TENT4B: variants seen among roughly 807,000 people sequenced by gnomAD.
TENT4B encodes the protein terminal nucleotidyltransferase 4B.
Under a neutral mutation model 75.0 loss-of-function variants are expected in TENT4B, and 10 were observed. That is an observed-to-expected ratio of 0.13 (90% CI 0.08 to 0.23). The LOEUF (loss-of-function observed/expected upper bound fraction) is 0.23. Among genes scored for constraint, TENT4B ranks in the 10% least tolerant of loss-of-function variants. TENT4B has a pLI of 1.00. For synonymous variants in TENT4B, 350 were observed against 357.7 expected, an observed-to-expected ratio of 0.98 and a Z score of 0.24; for missense variants, 579 against 893.8, an observed-to-expected ratio of 0.65 and a Z score of 4.49.
intron 1 of TENT4B, among the ~76,000 whole-genome samples, chr16:50,177,638 G>A (rs1030963062): frequency 3.3e-5 from 5 of 151,132 alleles, no homozygotes; most frequent in African/African-American, 1.2e-4. Flanking sequence ...TTGTTAATCT[G>A]GCTAGAAGCT....
chr16:50,215,036 C>T (rs1433561851), intron 3 of TENT4B, among the ~76,000 whole-genome samples: 15 of 152,210 alleles, frequency 9.9e-5, no homozygotes, highest in Admixed American at 9.8e-4. Context: ...GGGTACAGAT[C>T]TCTTCTCTGA....
In TENT4B at chr16:50,222,017, G is replaced by T. The variant is rs9923410; in HGVS notation, c.1039-289G>T. Among the ~76,000 whole-genome samples the T allele has an allele frequency of 0.082, 12,535 of 152,094 alleles. 1,020 individuals are homozygous for T. The highest frequency in any genetic ancestry group is 0.21 in the African/African-American group (8,568 of 41,448). ...TGACCTCAGGTGATCTGCCCGCCTT[G>T]GTCTCCCAAAGTGCTAGGATTACAG... On this transcript the variant is annotated intron_variant, in intron 5 of 11. Coordinates refer to ENST00000561678, the MANE Select transcript of TENT4B (RefSeq NM_001365324.3).
At position 50,211,329 on chromosome 16, in the gene TENT4B, T is replaced by C; in HGVS notation, c.645T>C (p.His215=). ...TTTCTGTTTTTTTCTTCAGTCTGCA[T>C]GAAGAAATCAGTGATTTTTATGAAT... ...RNYNQGVVGL[H]EEISDFYEYM... The change falls in exon 2 of 12, where the codon CAT becomes CAC. Residue 215 remains histidine, a synonymous_variant. Coordinates refer to ENST00000561678, the MANE Select transcript of TENT4B (RefSeq NM_001365324.3). The C allele has an allele frequency of 6.2e-7, 1 of 1,606,334 alleles. No individual in the cohort carries two copies. Among genetic ancestry groups the C allele is most frequent in the Non-Finnish European group, 8.5e-7 (1 of 1,177,772 alleles).
chr16:50,176,279 A>G (rs2038306868), intron 1 of TENT4B, among the ~76,000 whole-genome samples: 1 of 151,362 alleles, frequency 6.6e-6, no homozygotes, highest in African/African-American at 2.4e-5. Context: ...TAGAGATTGA[A>G]TCTTTCTTTT....
Position 50,155,272 on chromosome 16 carries a change from G to GGTGTGTGTGTGTGTGTGTGT in TENT4B, c.638+1034_638+1053dup, listed in dbSNP as rs60683678. 7.6e-3 allele frequency among the ~76,000 whole-genome samples: 1,030 copies of GGTGTGTGTGTGTGTGTGTGT among 135,440 alleles called. 19 individuals carry two copies. Among genetic ancestry groups the GGTGTGTGTGTGTGTGTGTGT allele is most frequent in the Middle Eastern group, 0.018 (5 of 272 alleles). The allele number at this position is 135,440 out of a possible 152,430, so 88.9% of individuals were successfully genotyped here. ...TAAAACAAAGCTTTTGGGTCTCGTGGGTGTGTGTGTGTGTGTGTGTGTGTG... is the reference window on the plus strand; with the variant it reads ...TAAAACAAAGCTTTTGGGTCTCGTGGGTGTGTGTGTGTGTGTGTGTGTGTGTGTGTGTGTGTGTGTGTGTG... On this transcript the variant is annotated intron_variant, in intron 1 of 11. Coordinates refer to ENST00000561678, the MANE Select transcript of TENT4B (RefSeq NM_001365324.3).
At chr16:50,207,231 G>T (rs868837154) in intron 1 of TENT4B, among the ~76,000 whole-genome samples, 2 of 152,052 alleles carry the variant, frequency 1.3e-5, no homozygotes, top group South Asian at 2.1e-4. Context: ...GCCCAGGCTG[G>T]AGAACAGAGG....
intron 1 of TENT4B, among the ~76,000 whole-genome samples, chr16:50,193,350 T>C (rs1172251638): frequency 6.7e-6 from 1 of 149,730 alleles, no homozygotes; most frequent in Non-Finnish European, 1.5e-5. Flanking sequence ...TTTTTTTTTT[T>C]TTTGTGAGAC....
Position 50,231,341 on chromosome 16 carries a change from T to A in TENT4B, c.*2013T>A. On this transcript the variant is annotated 3_prime_UTR_variant, in exon 12 of 12. Coordinates refer to ENST00000561678, the MANE Select transcript of TENT4B (RefSeq NM_001365324.3). Reference sequence around the variant, plus strand: ...ACAATTGTGAATGTGTAGACTTATGTTTACTGCTAAGGGAACAATTATTTA... The same window carrying A: ...ACAATTGTGAATGTGTAGACTTATGATTACTGCTAAGGGAACAATTATTTA... 5 of 981,568 alleles carry A rather than the reference T, an allele frequency of 5.1e-6. No individual in the cohort carries two copies. The highest frequency in any genetic ancestry group is 4.8e-6 in the Non-Finnish European group (4 of 826,002). The allele number at this position is 981,568 out of a possible 1,614,324, so 60.8% of individuals were successfully genotyped here.
At chr16:50,211,910 T>G (rs2031299082) in intron 2 of TENT4B, among the ~76,000 whole-genome samples, 1 of 152,224 alleles carries the variant, frequency 6.6e-6, no homozygotes, top group African/African-American at 2.4e-5. Flanking sequence ...AATGCACGCA[T>G]AAGTCTTTTC....
chr16:50,206,636 C>T (rs1381418532), intron 1 of TENT4B, among the ~76,000 whole-genome samples: 1 of 152,048 alleles, frequency 6.6e-6, no homozygotes, highest in African/African-American at 2.4e-5. Context: ...GGGGACGGTG[C>T]TGAGCAGAGG....
intron 1 of TENT4B, among the ~76,000 whole-genome samples, chr16:50,205,836 C>T (rs1384920237): frequency 6.6e-6 from 1 of 151,880 alleles, no homozygotes; most frequent in Non-Finnish European, 1.5e-5. Context: ...AGTGATCTAC[C>T]CGCCTCAGCC....
intron 1 of TENT4B, among the ~76,000 whole-genome samples, chr16:50,173,266 A>C (rs2038240919): frequency 6.6e-6 from 1 of 152,026 alleles, no homozygotes; most frequent in South Asian, 2.1e-4. Flanking sequence ...TGTACTGCTG[A>C]ATAATACTCC....
intron 10 of TENT4B, among the ~76,000 whole-genome samples, chr16:50,226,211 G>A (rs1315002419): frequency 1.3e-5 from 2 of 151,700 alleles, no homozygotes; most frequent in African/African-American, 4.8e-5. Flanking sequence ...ATGTTGGCCA[G>A]GCTGGTCTCG....
intron 5 of TENT4B, among the ~76,000 whole-genome samples, chr16:50,220,447 T>G (rs1221926535): frequency 2.0e-5 from 3 of 152,000 alleles, no homozygotes; most frequent in Non-Finnish European, 4.4e-5. Flanking sequence ...CCCAAAGTGT[T>G]GGGATTACAG....
chr16:50,211,289 C>A, intron 1 of TENT4B, 34 bp from the exon 2 acceptor site: 1 of 1,577,464 alleles, frequency 6.3e-7, no homozygotes. Flanking sequence ...TAGATTGGCC[C>A]TGTTCATATT....
At chr16:50,189,774 G>T (rs2038603572) in intron 1 of TENT4B, among the ~76,000 whole-genome samples, 1 of 151,788 alleles carries the variant, frequency 6.6e-6, no homozygotes, top group Admixed American at 6.6e-5. Context: ...TTTTTGGCTG[G>T]GTGTGGTAGC....
chr16:50,216,462 G>A (rs903623098), intron 4 of TENT4B, among the ~76,000 whole-genome samples: 3 of 152,038 alleles, frequency 2.0e-5, no homozygotes, highest in Non-Finnish European at 1.5e-5. Flanking sequence ...AACACAACCT[G>A]CCATGCCTGG....
rs1466667053 is a variant in TENT4B at position 50,154,024 on chromosome 16, G to C, written c.403G>C (p.Ala135Pro). ...AGSSASSPPS[A>P]SSSPHPSAAV... Reference sequence around the variant, plus strand: ...CTCCTCGGCGTCCTCGCCTCCCTCGGCGTCCTCGTCCCCGCACCCTTCGGC... The same window carrying C: ...CTCCTCGGCGTCCTCGCCTCCCTCGCCGTCCTCGTCCCCGCACCCTTCGGC... The change falls in exon 1 of 12, where the codon GCG (alanine) becomes CCG (proline). Residue 135 changes from alanine to proline, a missense_variant. Ala to Pro is a conservative substitution (Grantham distance 27, BLOSUM62 -1). Around this residue, in one of 7 missense-constraint regions of TENT4B, gnomAD observed 253 missense variants for 270.1 expected, o/e 0.94. Coordinates refer to ENST00000561678, the MANE Select transcript of TENT4B (RefSeq NM_001365324.3). The C allele has an allele frequency of 3.3e-6, 5 of 1,533,396 alleles. No homozygotes were observed. The East Asian group carries it at 9.8e-5, about 30-fold the overall frequency. 95.0% of individuals were successfully genotyped at this position (1,533,396 alleles called of 1,614,324 possible). A position where few individuals can be genotyped will look rare whatever the true frequency, so the allele number is the denominator to read the frequency against.
chr16:50,209,070 T>A (rs1406549761), intron 1 of TENT4B, among the ~76,000 whole-genome samples: 1 of 152,232 alleles, frequency 6.6e-6, no homozygotes, highest in South Asian at 2.1e-4. Flanking sequence ...GACTTCAGAT[T>A]GACTGGCAGT....
Sources: allele counts gnomAD v4.1 joint callset (sites outside exome capture counted in the v4.1 genomes callset), GRCh38; gene constraint gnomAD v4.1.1; regional missense constraint gnomAD v4.1.1; transcripts MANE v1.5; gene names NCBI Gene and HGNC (gene_info 2026-07-23, HGNC 2026-07-21).